Variants in COL6A6 observed in about 807,000 individuals in gnomAD.
The protein encoded by COL6A6 is collagen alpha-6(VI) chain.
A neutral mutation model predicts 208.6 loss-of-function variants in COL6A6; 183 were observed. The observed-to-expected ratio is 0.88, with a 90% CI of 0.78 to 0.99. COL6A6 has a LOEUF of 0.99. Ranked by LOEUF, COL6A6 falls within the 50% of genes least tolerant of loss-of-function variation. The pLI is 0.00. For missense variants in COL6A6, 2,816 were observed against 2,815.2 expected (o/e 1.00, Z -0.01); for synonymous variants, 973 against 1,011.8 (o/e 0.96, Z 0.73).
chr3:130,608,932 C>T lies in COL6A6; in HGVS notation c.4720C>T (p.Leu1574Phe), dbSNP rs755714146. The change falls in exon 22 of 37, where the codon CTT (leucine) becomes TTT (phenylalanine). Residue 1574 changes from leucine (L) to phenylalanine (F), a missense_variant. Transcript: ENST00000358511. ...GTAGIPGPDG[L>F]EGSLGLKGPQ... Reference sequence around the variant, plus strand: ...AGCAGGCATCCCAGGACCAGATGGACTTGAAGGCTCCCTGGGACTTAAGGG... The same window carrying T: ...AGCAGGCATCCCAGGACCAGATGGATTTGAAGGCTCCCTGGGACTTAAGGG... The T allele has an allele frequency of 1.2e-6, 2 of 1,613,440 alleles. No individual in the cohort carries two copies. Among genetic ancestry groups the T allele is most frequent in the South Asian group, 2.2e-5 (2 of 91,050 alleles).
chr3:130,653,576 G>C (rs1287649257), intron 33 of COL6A6, among the ~76,000 whole-genome samples: 1 of 152,182 alleles, frequency 6.6e-6, no homozygotes, highest in African/African-American at 2.4e-5. Context: ...TCCCATCTGT[G>C]AATGTAATAG....
chr3:130,669,972 A>G (rs2066171677), intron 36 of COL6A6, among the ~76,000 whole-genome samples: 1 of 152,180 alleles, frequency 6.6e-6, no homozygotes, highest in Non-Finnish European at 1.5e-5. Context: ...CGATGTGCCT[A>G]CTTTTATTGT....
Position 130,550,346 on chromosome 3 carries a change from T to C in COL6A6, c.-31-9988T>C, listed in dbSNP as rs151086178. Among the ~76,000 whole-genome samples, 141 of 152,312 alleles carry C rather than the reference T, an allele frequency of 9.3e-4. 1 individual carries two copies. Among genetic ancestry groups the C allele is most frequent in the African/African-American group, 3.3e-3 (137 of 41,566 alleles). ...CCAGGACTTCCAGTACCATGTTGAATTGAAGTGATGAGAGAGACCATCCTT... is the reference window on the plus strand; with the variant it reads ...CCAGGACTTCCAGTACCATGTTGAACTGAAGTGATGAGAGAGACCATCCTT... On this transcript the variant is annotated intron_variant, in intron 1 of 36. Coordinates refer to ENST00000358511, the MANE Select transcript of COL6A6 (RefSeq NM_001102608.3).
chr3:130,538,743 G>A (rs2062283502), intron 1 of COL6A6, among the ~76,000 whole-genome samples: 1 of 152,094 alleles, frequency 6.6e-6, no homozygotes, highest in Non-Finnish European at 1.5e-5. Context: ...TAGTATAATT[G>A]GAGTGTGAGC....
intron 10 of COL6A6, among the ~76,000 whole-genome samples, chr3:130,583,846 A>G (rs2063477455): frequency 6.6e-6 from 1 of 152,138 alleles, no homozygotes; most frequent in Admixed American, 6.5e-5. Context: ...GGCTTCCCAT[A>G]CTTACACAGG....
At chr3:130,657,987 CT>C (rs1455059043) in intron 33 of COL6A6, among the ~76,000 whole-genome samples, 1 of 149,644 alleles carries the variant, frequency 6.7e-6, no homozygotes, top group East Asian at 1.9e-4. Flanking sequence ...TATCTTCCCC[CT>C]GTTCTCTACC....
Position 130,573,962 on chromosome 3 carries a change from A to C in COL6A6, c.2984A>C (p.Glu995Ala). The C allele has an allele frequency of 1.9e-6, 3 of 1,600,162 alleles. No homozygotes were observed. Among genetic ancestry groups the C allele is most frequent in the Non-Finnish European group, 2.6e-6 (3 of 1,167,992 alleles). The stretch of plus-strand genomic sequence containing the variant: ...TTCCTTCTCTTCTTTGTAGATTGTG[A>C]AATTGACAAAGTAGATCTTGTTTTC... ...SVCNSSKVDC[E>A]IDKVDLVFLM... The change falls in exon 8 of 37, where the codon GAA becomes GCA. Residue 995 changes from glutamate (E) to alanine (A), a missense_variant. Transcript: ENST00000358511.
chr3:130,549,164 A>T (rs2062587789), intron 1 of COL6A6, among the ~76,000 whole-genome samples: 1 of 151,916 alleles, frequency 6.6e-6, no homozygotes, highest in Non-Finnish European at 1.5e-5. Flanking sequence ...TATTGCTAAG[A>T]TTCATTCATA....
At chr3:130,584,584 GTTCT>G (rs1180841697) in intron 10 of COL6A6, among the ~76,000 whole-genome samples, 2 of 151,694 alleles carry the variant, frequency 1.3e-5, no homozygotes, top group Non-Finnish European at 2.9e-5. Flanking sequence ...TGGTTCGTTT[GTTCT>G]TTCTTTTTTT....
chr3:130,549,604 T>G (rs1303348842), intron 1 of COL6A6, among the ~76,000 whole-genome samples: 2 of 152,218 alleles, frequency 1.3e-5, no homozygotes, highest in Non-Finnish European at 2.9e-5. Context: ...GTTTCAATCT[T>G]CTGCATATGG....
intron 26 of COL6A6, among the ~76,000 whole-genome samples, chr3:130,628,314 C>T (rs887728919): frequency 6.6e-6 from 1 of 152,094 alleles, no homozygotes; most frequent in Non-Finnish European, 1.5e-5. Flanking sequence ...ATTAGCCACC[C>T]TATAAAATGA....
chr3:130,522,407 C>G (rs562456006), intron 1 of COL6A6, among the ~76,000 whole-genome samples: 32 of 152,320 alleles, frequency 2.1e-4, no homozygotes, highest in Non-Finnish European at 3.8e-4. Context: ...AGAACATATT[C>G]TGCTCATGTT....
At chr3:130,531,017 C>T (rs1034625422) in intron 1 of COL6A6, among the ~76,000 whole-genome samples, 1 of 7,934 alleles carries the variant, frequency 1.3e-4, no homozygotes, top group Non-Finnish European at 5.5e-4. Context: ...CCCTCCTCTA[C>T]ACACACACAC....
chr3:130,627,400 T>C, intron 26 of COL6A6, 31 bp downstream of exon 26: 3 of 1,608,334 alleles, frequency 1.9e-6, no homozygotes, highest in Non-Finnish European at 2.6e-6. Flanking sequence ...GCTGGACGTT[T>C]TCCATTTATT....
At chr3:130,621,709 C>T (rs2064721620) in intron 23 of COL6A6, 112 bp from the exon 24 acceptor site, 2 of 784,632 alleles carry the variant, frequency 2.5e-6, no homozygotes, top group South Asian at 1.9e-5. Flanking sequence ...AGGATCGATA[C>T]AGCCATAACT....
Position 130,571,191 on chromosome 3 carries a change from T to G in COL6A6, c.2775T>G (p.Asp925Glu). 1 of 1,613,628 alleles carries G rather than the reference T, an allele frequency of 6.2e-7. No homozygotes were observed. The highest frequency in any genetic ancestry group is 8.5e-7 in the Non-Finnish European group (1 of 1,179,686). ...TGATCACCGATGGGGAATCCCATGA[T>G]GCTGATAAACTCAATGCCACGGCAA... is the stretch of plus-strand genomic sequence containing the variant. The part of the protein sequence containing the change: ...LIVITDGESH[D>E]ADKLNATAKA... The change falls in exon 7 of 37, where the codon GAT becomes GAG. Residue 925 changes from aspartate (D) to glutamate (E), a missense_variant. By Grantham distance (45) the Asp-to-Glu change is conservative. Transcript: ENST00000358511.
intron 2 of COL6A6, among the ~76,000 whole-genome samples, chr3:130,561,871 C>T (rs1384481400): frequency 6.6e-6 from 1 of 151,532 alleles, no homozygotes; most frequent in Non-Finnish European, 1.5e-5. Flanking sequence ...CCAGGATGGT[C>T]TCGATCTCCT....
rs1234565665 is a variant in COL6A6 at position 130,676,962 on chromosome 3, TTC to T, written c.*1567_*1568del. The T allele has an allele frequency of 6.6e-6, 1 of 152,248 alleles. No individual in the cohort carries two copies. The highest frequency in any genetic ancestry group is 2.4e-5 in the African/African-American group (1 of 41,464). 9.4% of individuals were successfully genotyped at this position (152,248 alleles called of 1,614,324 possible). On this transcript the variant is annotated 3_prime_UTR_variant, in exon 37 of 37. Coordinates refer to ENST00000358511, the MANE Select transcript of COL6A6 (RefSeq NM_001102608.3). The stretch of plus-strand genomic sequence containing the variant: ...AACTCTGAGTTAAGCACGAACTCCT[TTC>T]TTTTGTTAATTGTTGGAAATACCAT...
chr3:130,589,092 C>A lies in COL6A6; in HGVS notation c.4128C>A (p.Val1376=), dbSNP rs2063611133. 1 of 1,613,132 alleles carries A rather than the reference C, an allele frequency of 6.2e-7. No individual in the cohort carries two copies. The highest frequency in any genetic ancestry group is 8.5e-7 in the Non-Finnish European group (1 of 1,179,306). Residue 1376 remains valine, a splice_region_variant and synonymous_variant, in exon 12 of 37, where the codon GTC becomes GTA. Coordinates refer to ENST00000358511, the MANE Select transcript of COL6A6 (RefSeq NM_001102608.3). The part of the protein sequence containing the change: ...ELGSRLSKQL[V]NVAERTCCCL... ...TGTATTTCTTACCCTCTCCCAAGGT[C>A]AATGTTGCTGAAAGGACATGCTGCT...
Sources: allele counts gnomAD v4.1 joint callset (sites outside exome capture counted in the v4.1 genomes callset), GRCh38; gene constraint gnomAD v4.1.1; transcripts MANE v1.5; gene names NCBI Gene and HGNC (gene_info 2026-07-23, HGNC 2026-07-21).